MAN1B1: variants seen among roughly 807,000 people sequenced by gnomAD.
MAN1B1 encodes mannosidase alpha class 1B member 1, also known as endoplasmic reticulum mannosyl-oligosaccharide 1,2-alpha-mannosidase.
Under a neutral mutation model 75.5 loss-of-function variants are expected in MAN1B1, and 66 were observed. That is an observed-to-expected ratio of 0.87 (90% CI 0.72 to 1.07). The LOEUF (loss-of-function observed/expected upper bound fraction) is 1.07. Among genes scored for constraint, MAN1B1 ranks in the 50% least tolerant of loss-of-function variants. MAN1B1 has a pLI of 0.00. For missense variants in MAN1B1, 973 were observed against 912.5 expected (o/e 1.07, Z -0.85); for synonymous variants, 453 against 382.8 (o/e 1.18, Z -2.14).
chr9:137,097,917 CCAGGACA>C lies in MAN1B1; in HGVS notation c.715_721del (p.Thr239AlafsTer6), dbSNP rs1221258457. 3 of 1,558,400 alleles carry C rather than the reference CCAGGACA, an allele frequency of 1.9e-6. No individual in the cohort carries two copies. The Admixed American group carries it at 5.8e-5, about 30-fold the overall frequency. ...CCCACCAAGCCTCCCCTGCCACCGG[CCAGGACA>C]CAGGGCACACCAGGTGAGGCCACAC... On this transcript the variant is annotated frameshift_variant, in exon 5 of 13. Transcript: ENST00000371589. LOFTEE classifies it high-confidence loss of function.
At chr9:137,103,202 GCGTGCAGGTCGGTGGTGT>G (rs1830945546) in intron 8 of MAN1B1, 2 of 440,656 alleles carry the variant, frequency 4.5e-6, no homozygotes, top group African/African-American at 4.4e-5. Flanking sequence ...ACTGTTGCAG[GCGTGCAGGTCGGTGGTGT>G]TACACACATT....
At chr9:137,106,883 C>A in intron 10 of MAN1B1, 74 bp downstream of exon 10, 2 of 1,467,132 alleles carry the variant, frequency 1.4e-6, no homozygotes, top group South Asian at 1.2e-5. Flanking sequence ...GTCATGATGT[C>A]AAAAAGAACG....
chr9:137,087,169 G>C lies in MAN1B1; in HGVS notation c.170G>C (p.Gly57Ala), dbSNP rs773788643. ...TTCATCTCGGTGACGCTGAGCTTTG[G>C]CGAGAACTATGACAACAGCAAGAGT... ...RDFISVTLSF[G>A]ENYDNSKSWR... The change falls in exon 1 of 13, where the codon GGC becomes GCC. Residue 57 changes from glycine (G) to alanine (A), a missense_variant. Coordinates refer to ENST00000371589, the MANE Select transcript of MAN1B1 (RefSeq NM_016219.5). The C allele has an allele frequency of 2.2e-5, 35 of 1,594,906 alleles. No homozygotes were observed. Among genetic ancestry groups the C allele is most frequent in the Non-Finnish European group, 2.9e-5 (34 of 1,171,806 alleles).
rs1427729547 is a variant in MAN1B1 at position 137,103,135 on chromosome 9, CGGT to C, written c.1254+1468_1254+1470del. The C allele has an allele frequency of 1.8e-4, 79 of 432,130 alleles. 1 individual carries two copies. Among genetic ancestry groups the C allele is most frequent in the African/African-American group, 1.7e-3 (70 of 41,036 alleles). The allele number at this position is 432,130 out of a possible 1,614,324, so 26.8% of individuals were successfully genotyped here. ...CACATGCTGTTGCAGGCGTGCAGGT[CGGT>C]GGTGTTACATTCACACTGTTGCAGG... is the stretch of plus-strand genomic sequence containing the variant. On this transcript the variant is annotated intron_variant, in intron 8 of 12. Coordinates refer to ENST00000371589, the MANE Select transcript of MAN1B1 (RefSeq NM_016219.5).
rs529848874 is a variant in MAN1B1 at position 137,093,793 on chromosome 9, C to T, written c.466-2444C>T. 5.3e-5 allele frequency among the ~76,000 whole-genome samples: 8 copies of T among 152,044 alleles called. No homozygotes were observed. In the East Asian group the frequency reaches 1.4e-3, roughly 26 times the overall value. The stretch of plus-strand genomic sequence containing the variant: ...AGGTTGCAGTGAGCCGAGATCGCGC[C>T]ACTGCACTCCAGCCTGGGCGACAGA... On this transcript the variant is annotated intron_variant, in intron 3 of 12. Transcript: ENST00000371589.
At chr9:137,096,892 G>C (rs865810747) in intron 4 of MAN1B1, among the ~76,000 whole-genome samples, 3 of 152,250 alleles carry the variant, frequency 2.0e-5, no homozygotes, top group Admixed American at 6.5e-5. Flanking sequence ...TAGAAACGGA[G>C]TTGATTGTGG....
chr9:137,087,121 C>T lies in MAN1B1; in HGVS notation c.122C>T (p.Pro41Leu). Residue 41 changes from proline (P) to leucine (L), a missense_variant, in exon 1 of 13, where the codon CCG (proline) becomes CTG (leucine). Physicochemically the swap from Pro to Leu is moderately conservative, Grantham distance 98 (BLOSUM62 -3). Coordinates refer to ENST00000371589, the MANE Select transcript of MAN1B1 (RefSeq NM_016219.5). Reference protein sequence around the residue: ...VATTVVMYPPPPPPPHRDFIS... With the variant: ...VATTVVMYPPLPPPPHRDFIS... ...ACCACTGTAGTCATGTACCCACCGCCGCCGCCGCCGCCTCATCGGGACTTC... is the reference window on the plus strand; with the variant it reads ...ACCACTGTAGTCATGTACCCACCGCTGCCGCCGCCGCCTCATCGGGACTTC... The T allele has an allele frequency of 1.3e-6, 2 of 1,591,646 alleles. No individual in the cohort carries two copies. The highest frequency in any genetic ancestry group is 1.3e-5 in the African/African-American group (1 of 74,882).
At chr9:137,095,038 A>C (rs1250054484) in intron 3 of MAN1B1, among the ~76,000 whole-genome samples, 2 of 150,458 alleles carry the variant, frequency 1.3e-5, no homozygotes, top group African/African-American at 4.9e-5. Flanking sequence ...AGATACAAAA[A>C]TTAGCCAGGT....
At chr9:137,087,867 G>T (rs1043774597) in intron 1 of MAN1B1, among the ~76,000 whole-genome samples, 1 of 152,074 alleles carries the variant, frequency 6.6e-6, no homozygotes, top group African/African-American at 2.4e-5. Context: ...AATAGAGCTG[G>T]CCGGGCACGG....
At chr9:137,108,158 T>C (rs1460184383) in intron 12 of MAN1B1, 1 of 613,416 alleles carries the variant, frequency 1.6e-6, no homozygotes, top group Non-Finnish European at 2.9e-6. Flanking sequence ...TGAGCCCAGG[T>C]TCTGGGGGAG....
At chr9:137,104,275 A>C (rs1831015838) in intron 8 of MAN1B1, 8 of 359,664 alleles carry the variant, frequency 2.2e-5, no homozygotes, top group South Asian at 1.7e-4. Flanking sequence ...TCATTCTGTC[A>C]CTCAGGCTGG....
intron 8 of MAN1B1, chr9:137,102,681 C>T (rs944911647): frequency 9.4e-6 from 4 of 425,396 alleles, no homozygotes; most frequent in Non-Finnish European, 1.8e-5. Flanking sequence ...CACATTCACA[C>T]TGTTGCAGAC....
Position 137,087,217 on chromosome 9 carries a change from G to A in MAN1B1, c.218G>A (p.Arg73Lys), listed in dbSNP as rs780176028. 8.9e-6 allele frequency: 14 copies of A among 1,574,714 alleles called. No individual in the cohort carries two copies. Among genetic ancestry groups the A allele is most frequent in the Non-Finnish European group, 1.1e-5 (13 of 1,160,650 alleles). The change falls in exon 1 of 13, where the codon AGG (arginine) becomes AAG (lysine). Residue 73 changes from arginine to lysine, a missense_variant and splice_region_variant. By Grantham distance (26) the Arg-to-Lys change is conservative (BLOSUM62 2). Transcript: ENST00000371589. ...SKSWRRRSCW[R>K]KWKQLSRLQR... ...AGTTGGCGGCGGCGCTCGTGCTGGA[G>A]GGTGAGGGTCGCGCCGGGCTGACTG...
Position 137,099,870 on chromosome 9 carries a change from G to A in MAN1B1, c.905G>A (p.Gly302Asp), listed in dbSNP as rs777884272. The A allele has an allele frequency of 1.4e-5, 23 of 1,614,058 alleles. No individual in the cohort carries two copies. The highest frequency in any genetic ancestry group is 1.9e-5 in the Non-Finnish European group (22 of 1,180,050). Residue 302 changes from glycine to aspartate, a missense_variant, in exon 6 of 13, where the codon GGT becomes GAT. Physicochemically the swap from Gly to Asp is moderately conservative, Grantham distance 94. Transcript: ENST00000371589. ...IDALDTMWIL[G>D]LRKEFEEARK... is the part of the protein sequence containing the mutation. ...GCGCTGGACACCATGTGGATCTTGG[G>A]TCTGAGGAAAGGTACCTGGTGCTTT...
At chr9:137,087,714 A>G (rs112384802) in intron 1 of MAN1B1, 9 of 410,536 alleles carry the variant, frequency 2.2e-5, no homozygotes, top group Middle Eastern at 4.1e-4. Context: ...GTCTTTCTCC[A>G]CTGTTGATGA....
intron 4 of MAN1B1, 136 bp downstream of exon 4, chr9:137,096,527 T>A: frequency 2.4e-6 from 3 of 1,228,662 alleles, no homozygotes; most frequent in Non-Finnish European, 3.5e-6. Context: ...CTGTCCTCAT[T>A]AACCTTAGAT....
chr9:137,096,420 G>A lies in MAN1B1; in HGVS notation c.620+29G>A, dbSNP rs762821044. 67 of 1,609,582 alleles carry A rather than the reference G, an allele frequency of 4.2e-5. No homozygotes were observed. The South Asian group carries it at 4.3e-4, about 10-fold the overall frequency. On this transcript the variant is annotated intron_variant, in intron 4 of 12. Coordinates refer to ENST00000371589, the MANE Select transcript of MAN1B1 (RefSeq NM_016219.5). ...CAGAGCGCAGGGCAGGCTGCACGCC[G>A]CCGCTCAGGGCTTGATGTTCCGAAA...
At chr9:137,107,106 T>C in intron 10 of MAN1B1, 144 bp from the exon 11 acceptor site, 4 of 898,332 alleles carry the variant, frequency 4.5e-6, no homozygotes, top group Non-Finnish European at 6.7e-6. Context: ...AGCTCCGCTG[T>C]TCCATGCCAA....
chr9:137,089,157 A>G, intron 3 of MAN1B1, 152 bp downstream of exon 3: 1 of 973,510 alleles, frequency 1.0e-6, no homozygotes, highest in South Asian at 1.3e-5. Flanking sequence ...ATACTTGGGG[A>G]AAGAGAGGCG....
Sources: allele counts gnomAD v4.1 joint callset (sites outside exome capture counted in the v4.1 genomes callset), GRCh38; gene constraint gnomAD v4.1.1; transcripts MANE v1.5; gene names NCBI Gene and HGNC (gene_info 2026-07-23, HGNC 2026-07-21).